The following ROBO2 variants were observed in gnomAD, a reference collection of about 807,000 sequenced individuals.
ROBO2 encodes the protein roundabout homolog 2.
A neutral mutation model predicts 160.8 loss-of-function variants in ROBO2; 53 were observed. That is an observed-to-expected ratio of 0.33 (90% CI 0.26 to 0.41). The LOEUF (loss-of-function observed/expected upper bound fraction) is 0.41. ROBO2 is among the 10% of genes least tolerant of loss of function. The pLI is 1.00. For synonymous variants in ROBO2, 664 were observed against 611.7 expected, an observed-to-expected ratio of 1.09 and a Z score of -1.26; for missense variants, 1,577 against 1,722.4, an observed-to-expected ratio of 0.92 and a Z score of 1.49.
chr3:76,526,623 T>G (rs925608122), intron 2 of ROBO2, among the ~76,000 whole-genome samples: 1 of 152,094 alleles, frequency 6.6e-6, no homozygotes, highest in Admixed American at 6.6e-5. Flanking sequence ...ATATTCAGTT[T>G]GGTTCTTCTA....
At chr3:77,390,477 C>T (rs1375349236) in intron 2 of ROBO2, among the ~76,000 whole-genome samples, 1 of 152,040 alleles carries the variant, frequency 6.6e-6, no homozygotes, top group Non-Finnish European at 1.5e-5. Context: ...CTGATGAGAT[C>T]TGATGGGTTT....
intron 2 of ROBO2, among the ~76,000 whole-genome samples, chr3:76,805,861 T>C (rs2064664391): frequency 6.6e-6 from 1 of 151,916 alleles, no homozygotes; most frequent in African/African-American, 2.4e-5. Context: ...CTGTATTTCT[T>C]TCCTTTTAAC....
chr3:77,359,260 A>G (rs774094822), intron 2 of ROBO2, among the ~76,000 whole-genome samples: 1 of 152,230 alleles, frequency 6.6e-6, no homozygotes, highest in African/African-American at 2.4e-5. Context: ...GGCTGTGACC[A>G]GTAATGGAAA....
chr3:75,997,436 G>T (rs2065760206), intron 2 of ROBO2, among the ~76,000 whole-genome samples: 1 of 151,212 alleles, frequency 6.6e-6, no homozygotes, highest in Non-Finnish European at 1.5e-5. Context: ...TCTTTGGTGT[G>T]TCTGAGAACT....
At chr3:76,922,690 A>AG (rs540399735) in intron 2 of ROBO2, among the ~76,000 whole-genome samples, 17 of 152,276 alleles carry the variant, frequency 1.1e-4, no homozygotes, top group Non-Finnish European at 1.9e-4. Flanking sequence ...GGCATCTCAC[A>AG]GAGGTTGGGA....
At chr3:76,601,855 A>G (rs1442254470) in intron 2 of ROBO2, among the ~76,000 whole-genome samples, 1 of 152,070 alleles carries the variant, frequency 6.6e-6, no homozygotes, top group African/African-American at 2.4e-5. Context: ...CTTTTCTATC[A>G]CATTGTCTGG....
At chr3:76,497,558 T>A (rs930098062) in intron 2 of ROBO2, among the ~76,000 whole-genome samples, 1 of 152,208 alleles carries the variant, frequency 6.6e-6, no homozygotes, top group Admixed American at 6.5e-5. Context: ...TCTTGTCTTG[T>A]GTGACGGTTA....
chr3:76,366,361 GA>G (rs1269925963), intron 2 of ROBO2, among the ~76,000 whole-genome samples: 2 of 151,882 alleles, frequency 1.3e-5, no homozygotes, highest in African/African-American at 4.8e-5. Context: ...ACCATTAAAG[GA>G]TAAGTTTCCC....
intron 2 of ROBO2, among the ~76,000 whole-genome samples, chr3:76,589,283 G>T (rs2086256352): frequency 6.6e-6 from 1 of 151,994 alleles, no homozygotes; most frequent in South Asian, 2.1e-4. Flanking sequence ...AAAAATATAA[G>T]AAATAAACAC....
intron 2 of ROBO2, among the ~76,000 whole-genome samples, chr3:76,025,640 A>T (rs1559844635): frequency 6.6e-6 from 1 of 151,760 alleles, no homozygotes; most frequent in East Asian, 1.9e-4. Flanking sequence ...AACTCTAAAA[A>T]CATCATGGAA....
intron 9 of ROBO2, among the ~76,000 whole-genome samples, chr3:77,562,364 G>A (rs1428648708): frequency 6.6e-6 from 1 of 151,992 alleles, no homozygotes; most frequent in Non-Finnish European, 1.5e-5. Flanking sequence ...AGAGGTAAGA[G>A]TATTATCACA....
At chr3:77,636,080 A>G (rs1321211408) in intron 24 of ROBO2, among the ~76,000 whole-genome samples, 5 of 152,116 alleles carry the variant, frequency 3.3e-5, no homozygotes, top group Non-Finnish European at 5.9e-5. Context: ...CACCCTCATC[A>G]TCGAATCACC....
At chr3:76,162,199 T>A (rs2072667076) in intron 2 of ROBO2, among the ~76,000 whole-genome samples, 1 of 152,216 alleles carries the variant, frequency 6.6e-6, no homozygotes, top group South Asian at 2.1e-4. Context: ...GACCAATGCA[T>A]CAAGTAACAT....
At chr3:76,849,621 T>C (rs960183656) in intron 2 of ROBO2, among the ~76,000 whole-genome samples, 1 of 152,182 alleles carries the variant, frequency 6.6e-6, no homozygotes, top group African/African-American at 2.4e-5. Context: ...TTTTAAAGAA[T>C]GCTTGTAAAA....
At chr3:77,034,161 C>T (rs2063488854) in intron 2 of ROBO2, among the ~76,000 whole-genome samples, 1 of 151,660 alleles carries the variant, frequency 6.6e-6, no homozygotes, top group Non-Finnish European at 1.5e-5. Context: ...CAATGTCTTA[C>T]TCAAATTGAA....
intron 2 of ROBO2, among the ~76,000 whole-genome samples, chr3:76,097,467 TAGTCTTAGA>T (rs2069501952): frequency 6.6e-6 from 1 of 152,194 alleles, no homozygotes; most frequent in Non-Finnish European, 1.5e-5. Flanking sequence ...TGTCATGTGA[TAGTCTTAGA>T]ATTCTGAATA....
At chr3:77,598,397 C>T (rs935766644) in intron 19 of ROBO2, among the ~76,000 whole-genome samples, 7 of 149,074 alleles carry the variant, frequency 4.7e-5, no homozygotes, top group African/African-American at 1.7e-4. Context: ...AATAACCATT[C>T]CTACTTCATA....
intron 2 of ROBO2, among the ~76,000 whole-genome samples, chr3:77,138,665 C>G (rs1473450516): frequency 7.1e-6 from 1 of 139,976 alleles, no homozygotes; most frequent in Non-Finnish European, 1.6e-5. Context: ...TCCTGTTTAT[C>G]CCTTGTTTAA....
At position 76,712,094 on chromosome 3, in the gene ROBO2, A is replaced by C. The variant is rs139774704; in HGVS notation, c.110-385920A>C. Among the ~76,000 whole-genome samples the C allele has an allele frequency of 4.4e-3, 668 of 152,374 alleles. 6 individuals are homozygous for C. The highest frequency in any genetic ancestry group is 0.015 in the African/African-American group (641 of 41,588). ...TTGCATTAATACTTACTGATTGGCT[A>C]TAAAAATGAATAAGAAAACACTTCT... On this transcript the variant is annotated intron_variant, in intron 2 of 26. Transcript: ENST00000487694.
Sources: allele counts gnomAD v4.1 joint callset (sites outside exome capture counted in the v4.1 genomes callset), GRCh38; gene constraint gnomAD v4.1.1; transcripts MANE v1.5; gene names NCBI Gene and HGNC (gene_info 2026-07-23, HGNC 2026-07-21).